Variants in KCNIP4 observed in about 807,000 individuals in gnomAD.
KCNIP4 encodes the protein potassium voltage-gated channel interacting protein 4.
A neutral mutation model predicts 34.0 loss-of-function variants in KCNIP4; 12 were observed. The ratio of observed to expected loss-of-function variants is 0.35; its 90% CI spans 0.23 to 0.57. The LOEUF is 0.57. KCNIP4 is among the 20% of genes least tolerant of loss of function. The probability of loss-of-function intolerance (pLI) is 0.83; values close to 1 mark genes in which losing one functional copy is unlikely to be tolerated. For synonymous variants in KCNIP4, 124 were observed against 102.2 expected, an observed-to-expected ratio of 1.21 and a Z score of -1.29; for missense variants, 238 against 311.7, an observed-to-expected ratio of 0.76 and a Z score of 1.78.
At chr4:21,212,673 C>A (rs1022216450) in intron 1 of KCNIP4, among the ~76,000 whole-genome samples, 3 of 152,150 alleles carry the variant, frequency 2.0e-5, no homozygotes, top group African/African-American at 7.2e-5. Context: ...TCACCAGACA[C>A]CTTCTTGCCA....
intron 1 of KCNIP4, among the ~76,000 whole-genome samples, chr4:21,120,080 A>G (rs2109131385): frequency 6.6e-6 from 1 of 152,234 alleles, no homozygotes; most frequent in South Asian, 2.1e-4. Flanking sequence ...TGCAAGGGAG[A>G]CCATCAGGTC....
At chr4:21,582,610 T>A (rs1280055764) in intron 1 of KCNIP4, among the ~76,000 whole-genome samples, 2 of 152,020 alleles carry the variant, frequency 1.3e-5, no homozygotes, top group Non-Finnish European at 2.9e-5. Context: ...GTTTAAAAAT[T>A]TCTGTGACCT....
chr4:21,936,691 T>C (rs1358835910), intron 1 of KCNIP4, among the ~76,000 whole-genome samples: 2 of 152,118 alleles, frequency 1.3e-5, no homozygotes, highest in African/African-American at 2.4e-5. Context: ...AGGCACAGTA[T>C]GTGAATCCTA....
rs755266993 is a variant in KCNIP4, at chr4:21,259,920, T to TGTGTGTGTGTGC, written c.62-377212_62-377211insGCACACACACAC. On this transcript the variant is annotated intron_variant, in intron 1 of 8. Coordinates refer to ENST00000382152, the MANE Select transcript of KCNIP4 (RefSeq NM_025221.6). ...GTGTGTGTGTGTGTGTGTGTGTGTG[T>TGTGTGTGTGTGC]GCACGTGCGCTTATGTGCATTGTGC... 3.3e-4 allele frequency among the ~76,000 whole-genome samples: 50 copies of TGTGTGTGTGTGC among 150,196 alleles called. No individual in the cohort carries two copies. The East Asian group carries it at 6.2e-3, about 19-fold the overall frequency.
intron 1 of KCNIP4, among the ~76,000 whole-genome samples, chr4:20,937,062 G>C (rs1049768126): frequency 6.6e-6 from 1 of 151,748 alleles, no homozygotes; most frequent in Non-Finnish European, 1.5e-5. Flanking sequence ...AAAGAAGAGG[G>C]GTAGAAGCCT....
At chr4:20,952,070 A>C (rs2149642012) in intron 1 of KCNIP4, among the ~76,000 whole-genome samples, 1 of 152,262 alleles carries the variant, frequency 6.6e-6, no homozygotes, top group East Asian at 1.9e-4. Flanking sequence ...TATATAGATG[A>C]AAAAATATTA....
At chr4:20,748,894 G>GTGTATATATATA (rs1160169512) in intron 5 of KCNIP4, among the ~76,000 whole-genome samples, 12 of 145,246 alleles carry the variant, frequency 8.3e-5, no homozygotes, top group African/African-American at 1.8e-4. Flanking sequence ...GTGTGTGTGT[G>GTGTATATATATA]TATATATATA....
intron 1 of KCNIP4, among the ~76,000 whole-genome samples, chr4:21,792,411 G>A (rs1286466128): frequency 6.6e-6 from 1 of 152,158 alleles, no homozygotes. Flanking sequence ...TTTGAAGTGT[G>A]TGCTAATGGC....
At chr4:21,224,368 G>A (rs1758202057) in intron 1 of KCNIP4, among the ~76,000 whole-genome samples, 1 of 151,726 alleles carries the variant, frequency 6.6e-6, no homozygotes, top group South Asian at 2.1e-4. Flanking sequence ...TTAAATAAGG[G>A]CTTCAATCCC....
chr4:21,888,007 T>C (rs995698924), intron 1 of KCNIP4, among the ~76,000 whole-genome samples: 20 of 141,350 alleles, frequency 1.4e-4, no homozygotes, highest in Non-Finnish European at 2.5e-4. Context: ...ACACTTACTA[T>C]GTGCCAGGTA....
intron 6 of KCNIP4, among the ~76,000 whole-genome samples, chr4:20,733,401 G>A (rs766055192): frequency 2.6e-5 from 4 of 152,090 alleles, no homozygotes; most frequent in Non-Finnish European, 5.9e-5. Context: ...TCTTATGAGA[G>A]TAAAAATAAT....
chr4:20,769,216 A>G (rs1324177073), intron 3 of KCNIP4, among the ~76,000 whole-genome samples: 2 of 152,210 alleles, frequency 1.3e-5, no homozygotes, highest in Admixed American at 1.3e-4. Context: ...AATTGGCATT[A>G]TGTATATAAA....
At chr4:21,381,841 C>T (rs552316077) in intron 1 of KCNIP4, among the ~76,000 whole-genome samples, 14 of 152,184 alleles carry the variant, frequency 9.2e-5, no homozygotes, top group African/African-American at 1.9e-4. Context: ...AATTGTGAGA[C>T]GCCCTGGAGA....
chr4:20,959,308 T>C lies in KCNIP4; in HGVS notation c.62-76599A>G, dbSNP rs560870469. ...TACTGTCTTCTGTTATTACAATTGCTACCCTATAATGTACTTAGACAGCAT... is the reference window on the plus strand; with the variant it reads ...TACTGTCTTCTGTTATTACAATTGCCACCCTATAATGTACTTAGACAGCAT... On this transcript the variant is annotated intron_variant, in intron 1 of 8. Coordinates refer to ENST00000382152, the MANE Select transcript of KCNIP4 (RefSeq NM_025221.6). Among the ~76,000 whole-genome samples, 7 of 152,312 alleles carry C rather than the reference T, an allele frequency of 4.6e-5. No individual in the cohort carries two copies. The East Asian group carries it at 5.8e-4, about 13-fold the overall frequency.
At chr4:20,979,900 T>C (rs1209699010) in intron 1 of KCNIP4, among the ~76,000 whole-genome samples, 2 of 152,146 alleles carry the variant, frequency 1.3e-5, no homozygotes, top group African/African-American at 2.4e-5. Flanking sequence ...CTTAGACCCA[T>C]GTGCAACGAG....
chr4:21,760,725 A>C (rs1717992837), intron 1 of KCNIP4, among the ~76,000 whole-genome samples: 1 of 152,122 alleles, frequency 6.6e-6, no homozygotes, highest in Admixed American at 6.6e-5. Context: ...TAAAAAGCTA[A>C]AATTTTAAAT....
intron 1 of KCNIP4, among the ~76,000 whole-genome samples, chr4:21,369,777 T>C (rs540621207): frequency 5.5e-5 from 8 of 145,430 alleles, no homozygotes; most frequent in African/African-American, 2.2e-4. Flanking sequence ...TTTGGAGTCA[T>C]GCATTTAAGA....
chr4:21,372,549 A>G (rs1720565426), intron 1 of KCNIP4, among the ~76,000 whole-genome samples: 1 of 147,084 alleles, frequency 6.8e-6, no homozygotes, highest in Non-Finnish European at 1.5e-5. Flanking sequence ...AGGTTTCTAA[A>G]AAGTCATCAT....
chr4:20,787,295 C>A (rs1201896800), intron 3 of KCNIP4, among the ~76,000 whole-genome samples: 1 of 152,126 alleles, frequency 6.6e-6, no homozygotes, highest in Admixed American at 6.6e-5. Flanking sequence ...AAATTTGCTA[C>A]CACCGCAATT....
Sources: allele counts gnomAD v4.1 joint callset (sites outside exome capture counted in the v4.1 genomes callset), GRCh38; gene constraint gnomAD v4.1.1; transcripts MANE v1.5; gene names NCBI Gene and HGNC (gene_info 2026-07-23, HGNC 2026-07-21).